Variants in ZNF341 observed in about 807,000 individuals in gnomAD.
ZNF341 encodes the protein zinc finger protein 341.
In ZNF341, 52 loss-of-function variants were observed where a neutral mutation model predicts 87.7. The observed-to-expected ratio is 0.59, with a 90% CI of 0.47 to 0.75. The LOEUF (loss-of-function observed/expected upper bound fraction) is 0.75. Ranked by LOEUF, ZNF341 falls within the 30% of genes least tolerant of loss-of-function variation. The probability of loss-of-function intolerance (pLI) is 0.00; values close to 1 mark genes in which losing one functional copy is unlikely to be tolerated. For missense variants in ZNF341, 977 were observed against 1,145.9 expected (o/e 0.85, Z 2.13); for synonymous variants, 459 against 472.7 (o/e 0.97, Z 0.38).
At chr20:33,748,271 C>T (rs1009156240) in intron 3 of ZNF341, among the ~76,000 whole-genome samples, 3 of 151,498 alleles carry the variant, frequency 2.0e-5, no homozygotes, top group African/African-American at 7.3e-5. Flanking sequence ...GGGGTTTCAC[C>T]ACGTTGGCCA....
At chr20:33,762,174 T>A in intron 8 of ZNF341, 119 bp downstream of exon 8, 1 of 836,992 alleles carries the variant, frequency 1.2e-6, no homozygotes, top group Non-Finnish European at 1.7e-6. Flanking sequence ...TCAATCTACC[T>A]TTATCTATAA....
chr20:33,775,447 G>C (rs1210027821), intron 10 of ZNF341, among the ~76,000 whole-genome samples: 1 of 150,542 alleles, frequency 6.6e-6, no homozygotes, highest in African/African-American at 2.4e-5. Flanking sequence ...CTGACCTCGT[G>C]ATCTACCCAC....
At chr20:33,769,985 T>A in intron 9 of ZNF341, 99 bp from the exon 10 acceptor site, 1 of 751,368 alleles carries the variant, frequency 1.3e-6, no homozygotes, top group South Asian at 1.6e-5. Context: ...AGTGGTCAGA[T>A]CATTTACCAT....
rs750723657 is a variant in ZNF341, at chr20:33,781,367, C to T, written c.1699C>T (p.Pro567Ser). Residue 567 changes from proline (P) to serine (S), a missense_variant, in exon 11 of 15, where the codon CCC (proline) becomes TCC (serine). Pro to Ser is a moderately conservative substitution (Grantham distance 74). Transcript: ENST00000375200. ...HHLQTATHNFPCPHCQKVFPC... is the reference protein window; with the variant it reads ...HHLQTATHNFSCPHCQKVFPC... ...CCTGCAGACCGCCACTCACAACTTC[C>T]CCTGCCCACACTGCCAGAAGGTGGG... 1.2e-6 allele frequency: 2 copies of T among 1,614,134 alleles called. No individual in the cohort carries two copies. Among genetic ancestry groups the T allele is most frequent in the Non-Finnish European group, 1.7e-6 (2 of 1,179,996 alleles).
At chr20:33,783,697 G>A (rs1468468305) in intron 11 of ZNF341, 35 bp from the exon 12 acceptor site, 1 of 1,613,208 alleles carries the variant, frequency 6.2e-7, no homozygotes, top group Non-Finnish European at 8.5e-7. Context: ...GGGGGGCCCG[G>A]TGAGTCAGAC....
chr20:33,774,933 G>C (rs771984498), intron 10 of ZNF341, among the ~76,000 whole-genome samples: 1 of 152,072 alleles, frequency 6.6e-6, no homozygotes. Flanking sequence ...CACTGCACTC[G>C]TGAGACCCTG....
In ZNF341 at chr20:33,757,265, G is replaced by T. The variant is rs149362037; in HGVS notation, c.859G>T (p.Gly287Trp). ...CGCCGCCCCCATGACCAGCGCCACC[G>T]GGGGCACGGTGGCCACCTTTGACTC... ...NPAAPMTSAT[G>W]GTVATFDSPA... The change falls in exon 6 of 15, where the codon GGG (glycine) becomes TGG (tryptophan). Residue 287 changes from glycine (G) to tryptophan (W), a missense_variant. Coordinates refer to ENST00000375200, the MANE Select transcript of ZNF341 (RefSeq NM_001282933.2). 241 of 1,604,334 alleles carry T rather than the reference G, an allele frequency of 1.5e-4. 1 individual carries two copies. The highest frequency in any genetic ancestry group is 1.5e-4 in the Non-Finnish European group (178 of 1,176,038).
chr20:33,752,189 G>A (rs1372059925), intron 4 of ZNF341: 16 of 542,110 alleles, frequency 3.0e-5, no homozygotes, highest in South Asian at 2.3e-4. Context: ...CACATTGACT[G>A]TCTGTAGATT....
rs747935909 is a variant in ZNF341 at position 33,791,107 on chromosome 20, G to T, written c.2155G>T (p.Gly719Cys). Residue 719 changes from glycine to cysteine, a missense_variant, in exon 15 of 15, where the codon GGC becomes TGC. By Grantham distance (159) the Gly-to-Cys change is radical. Coordinates refer to ENST00000375200, the MANE Select transcript of ZNF341 (RefSeq NM_001282933.2). ...YKFRCAGCAK[G>C]FSRHKYLKDH... ...GTTCCGCTGTGCTGGCTGCGCCAAG[G>T]GCTTTTCCCGCCACAAATACCTCAA... 1 of 1,613,004 alleles carries T rather than the reference G, an allele frequency of 6.2e-7. No homozygotes were observed. Among genetic ancestry groups the T allele is most frequent in the Non-Finnish European group, 8.5e-7 (1 of 1,180,018 alleles).
At chr20:33,789,024 A>T in intron 13 of ZNF341, 50 bp downstream of exon 13, 51 of 1,205,328 alleles carry the variant, frequency 4.2e-5, no homozygotes, top group Non-Finnish European at 5.4e-5. Flanking sequence ...CAGATTCTCC[A>T]GGGGTGCTGC....
rs1005112703 is a variant in ZNF341 at position 33,745,342 on chromosome 20, C to T, written c.339+43C>T. ...CATTCAACATGTCTTTTTTGAGGGC[C>T]TAACATGCTCAGGCACTGTGCTGGG... is the stretch of plus-strand genomic sequence containing the variant. On this transcript the variant is annotated intron_variant, in intron 3 of 14. Transcript: ENST00000375200. 3.2e-6 allele frequency: 5 copies of T among 1,572,680 alleles called. No individual in the cohort carries two copies. The South Asian group carries it at 5.7e-5, about 18-fold the overall frequency.
intron 11 of ZNF341, 120 bp downstream of exon 11, chr20:33,781,507 CAG>C (rs2019744426): frequency 2.4e-6 from 2 of 831,092 alleles, no homozygotes; most frequent in East Asian, 2.6e-5. Flanking sequence ...AGGCAGGGCT[CAG>C]GGGCTGCTCC....
At chr20:33,767,109 T>G in intron 9 of ZNF341, 68 bp downstream of exon 9, 2 of 1,531,120 alleles carry the variant, frequency 1.3e-6, no homozygotes, top group Non-Finnish European at 1.8e-6. Flanking sequence ...GCTAGGGTCT[T>G]GAATGCTGCC....
intron 8 of ZNF341, among the ~76,000 whole-genome samples, chr20:33,765,241 C>T (rs573643247): frequency 1.3e-5 from 2 of 152,244 alleles, no homozygotes; most frequent in South Asian, 2.1e-4. Context: ...ATGCCAGGCA[C>T]ATGCTAGGTA....
At position 33,761,996 on chromosome 20, in the gene ZNF341, C is replaced by A; in HGVS notation, c.1163C>A (p.Ser388Tyr). 1 of 1,606,410 alleles carries A rather than the reference C, an allele frequency of 6.2e-7. No individual in the cohort carries two copies. Among genetic ancestry groups the A allele is most frequent in the South Asian group, 1.1e-5 (1 of 90,268 alleles). Residue 388 changes from serine to tyrosine, a missense_variant, in exon 8 of 15, where the codon TCT becomes TAT. By Grantham distance (144) the Ser-to-Tyr change is moderately radical (BLOSUM62 -2). Transcript: ENST00000375200. ...GHSGGTVSRN[S>Y]VTVQVMALNP... ...AGTGGTGGCACCGTGTCTCGAAACT[C>A]TGTGACCGTACAGGTCATGGCCCTG...
chr20:33,783,321 A>T (rs1282224025), intron 11 of ZNF341, among the ~76,000 whole-genome samples: 2 of 152,136 alleles, frequency 1.3e-5, no homozygotes, highest in Non-Finnish European at 2.9e-5. Context: ...CTGTGTAAGC[A>T]AAGGGCTGTC....
intron 8 of ZNF341, among the ~76,000 whole-genome samples, chr20:33,764,048 G>A (rs1438573156): frequency 7.0e-5 from 10 of 143,320 alleles, no homozygotes; most frequent in South Asian, 4.5e-4. Context: ...TTTCTGAGAC[G>A]GAGTCTCACT....
chr20:33,765,471 C>T (rs183402513), intron 8 of ZNF341, among the ~76,000 whole-genome samples: 86 of 151,354 alleles, frequency 5.7e-4, no homozygotes, highest in African/African-American at 1.9e-3. Flanking sequence ...CTCAACCTCC[C>T]GGGCTCAAGT....
chr20:33,777,503 G>A (rs1472083443), intron 10 of ZNF341, among the ~76,000 whole-genome samples: 6 of 151,010 alleles, frequency 4.0e-5, no homozygotes, highest in African/African-American at 7.3e-5. Flanking sequence ...GTGTGGTGGC[G>A]GGCACCTGTA....
Sources: gnomAD v4.1 joint callset for allele counts (sites outside exome capture counted in the v4.1 genomes callset) on GRCh38, gnomAD v4.1.1 for gene constraint, MANE v1.5 for transcripts, NCBI Gene and HGNC (gene_info 2026-07-23, HGNC 2026-07-21) for gene names.